The following SLC1A2 variants were observed in gnomAD, a reference collection of about 807,000 sequenced individuals.
The protein encoded by SLC1A2 is solute carrier family 1 member 2, also known as excitatory amino acid transporter 2.
In SLC1A2, 15 loss-of-function variants were observed where a neutral mutation model predicts 48.8. That is an observed-to-expected ratio of 0.31 (90% confidence interval 0.21 to 0.47). The LOEUF (loss-of-function observed/expected upper bound fraction) is 0.47. Among genes scored for constraint, SLC1A2 ranks in the 20% least tolerant of loss-of-function variants. The probability of loss-of-function intolerance (pLI) is 0.99; values close to 1 mark genes in which losing one functional copy is unlikely to be tolerated. For synonymous variants in SLC1A2, 279 were observed against 272.6 expected (o/e 1.02, Z -0.23); for missense variants, 502 against 730.5 (o/e 0.69, Z 3.61).
chr11:35,278,293 T>C (rs1425377752), intron 9 of SLC1A2, among the ~76,000 whole-genome samples: 2 of 111,868 alleles, frequency 1.8e-5, no homozygotes, highest in Non-Finnish European at 3.6e-5. Flanking sequence ...TTTTTTTTTT[T>C]AGATGGAGTT....
At chr11:35,327,392 CA>C (rs1852282840) in intron 1 of SLC1A2, among the ~76,000 whole-genome samples, 1 of 152,158 alleles carries the variant, frequency 6.6e-6, no homozygotes. Flanking sequence ...GCCCAAAGAA[CA>C]CCTTATACTT....
At chr11:35,303,295 C>T (rs1236252627) in intron 5 of SLC1A2, among the ~76,000 whole-genome samples, 2 of 152,312 alleles carry the variant, frequency 1.3e-5, no homozygotes, top group Non-Finnish European at 1.5e-5. Context: ...TCCTTTCTAT[C>T]TTCAGCAAAA....
intron 9 of SLC1A2, among the ~76,000 whole-genome samples, chr11:35,274,593 G>T (rs1295170820): frequency 1.3e-5 from 2 of 152,138 alleles, no homozygotes; most frequent in Non-Finnish European, 2.9e-5. Context: ...GTGCATGTGT[G>T]TGTCTCAAAT....
intron 1 of SLC1A2, among the ~76,000 whole-genome samples, chr11:35,408,537 G>A (rs1855368589): frequency 6.6e-6 from 1 of 152,070 alleles, no homozygotes; most frequent in Non-Finnish European, 1.5e-5. Flanking sequence ...TTCACCTCTC[G>A]CCATGAATCG....
intron 4 of SLC1A2, among the ~76,000 whole-genome samples, chr11:35,309,837 G>A (rs1310347889): frequency 6.6e-6 from 1 of 152,070 alleles, no homozygotes; most frequent in Non-Finnish European, 1.5e-5. Flanking sequence ...TCTCCCTGAG[G>A]TGGATTCTAC....
chr11:35,398,624 C>G (rs1310334000), intron 1 of SLC1A2, among the ~76,000 whole-genome samples: 1 of 152,122 alleles, frequency 6.6e-6, no homozygotes, highest in Non-Finnish European at 1.5e-5. Context: ...TGCAATTTAT[C>G]CATGTAACAA....
chr11:35,321,692 A>G (rs7110991), intron 1 of SLC1A2, among the ~76,000 whole-genome samples: 121,452 of 152,070 alleles, frequency 0.8, 49,063 homozygotes, highest in East Asian at 0.93. Context: ...TTGGATACAG[A>G]TGGAAAGCCT....
intron 1 of SLC1A2, among the ~76,000 whole-genome samples, chr11:35,358,168 G>A (rs538844092): frequency 1.3e-5 from 2 of 152,114 alleles, no homozygotes; most frequent in East Asian, 3.9e-4. Flanking sequence ...GGTGGGGGAA[G>A]CCTAGAAAAC....
chr11:35,380,823 G>A (rs1281993145), intron 1 of SLC1A2, among the ~76,000 whole-genome samples: 1 of 152,200 alleles, frequency 6.6e-6, no homozygotes, highest in Non-Finnish European at 1.5e-5. Flanking sequence ...AATCTGTAGG[G>A]AGAAGCTGAG....
At chr11:35,329,715 T>C (rs1239402989) in intron 1 of SLC1A2, among the ~76,000 whole-genome samples, 3 of 152,280 alleles carry the variant, frequency 2.0e-5, no homozygotes, top group Middle Eastern at 3.4e-3. Flanking sequence ...CCTGAACAGT[T>C]GCAGTGCAGG....
intron 1 of SLC1A2, among the ~76,000 whole-genome samples, chr11:35,359,757 CCA>C (rs1469727478): frequency 5.3e-5 from 8 of 152,300 alleles, no homozygotes; most frequent in Non-Finnish European, 1.0e-4. Context: ...GTTTCAGAAA[CCA>C]ATTGTTTTTC....
chr11:35,401,248 C>A (rs1855131541), intron 1 of SLC1A2, among the ~76,000 whole-genome samples: 1 of 151,928 alleles, frequency 6.6e-6, no homozygotes, highest in African/African-American at 2.4e-5. Context: ...TCTCCTGGAT[C>A]AGAAAAAAAG....
chr11:35,294,963 A>G (rs1032949843), intron 6 of SLC1A2, among the ~76,000 whole-genome samples: 1 of 152,250 alleles, frequency 6.6e-6, no homozygotes, highest in Non-Finnish European at 1.5e-5. Flanking sequence ...ATGAGCATTA[A>G]GTAGAAGAAG....
At chr11:35,349,819 G>A (rs578255941) in intron 1 of SLC1A2, among the ~76,000 whole-genome samples, 2 of 152,136 alleles carry the variant, frequency 1.3e-5, no homozygotes, top group African/African-American at 2.4e-5. Context: ...TTGGGCTCAG[G>A]GGGCTTACAG....
chr11:35,349,411 C>T (rs1853160115), intron 1 of SLC1A2, among the ~76,000 whole-genome samples: 1 of 152,178 alleles, frequency 6.6e-6, no homozygotes, highest in Non-Finnish European at 1.5e-5. Flanking sequence ...ACCAACAAAC[C>T]TTGTCCAGCC....
At chr11:35,268,345 T>G (rs1277719414) in intron 9 of SLC1A2, among the ~76,000 whole-genome samples, 1 of 152,158 alleles carries the variant, frequency 6.6e-6, no homozygotes, top group African/African-American at 2.4e-5. Context: ...ATAATGATGA[T>G]GACAGTTAAA....
chr11:35,363,039 C>T (rs1318635445), intron 1 of SLC1A2, among the ~76,000 whole-genome samples: 1 of 152,226 alleles, frequency 6.6e-6, no homozygotes, highest in Non-Finnish European at 1.5e-5. Context: ...GACTGAGCAA[C>T]TTGCTGAAGT....
At chr11:35,287,034 T>A in intron 7 of SLC1A2, 83 bp from the exon 8 acceptor site, 1 of 1,059,420 alleles carries the variant, frequency 9.4e-7, no homozygotes, top group Admixed American at 2.0e-5. Context: ...TGCCACTGCA[T>A]CCTTAGTTTT....
Position 35,259,792 on chromosome 11 carries a change from C to T in SLC1A2, c.*1102G>A, listed in dbSNP as rs1366545998. The T allele has an allele frequency of 6.6e-6, 1 of 152,144 alleles. No homozygotes were observed. The highest frequency in any genetic ancestry group is 1.5e-5 in the Non-Finnish European group (1 of 68,022). The allele number at this position is 152,144 out of a possible 1,614,324, so 9.4% of individuals were successfully genotyped here. A position where few individuals can be genotyped will look rare whatever the true frequency, so the allele number is the denominator to read the frequency against. ...TTTTATGTGCTTTGATAGAAGATAA[C>T]AAAACGCTTTCAACATATTGGATAA... On this transcript the variant is annotated 3_prime_UTR_variant, in exon 11 of 11. Transcript: ENST00000278379.
Sources: allele counts gnomAD v4.1 joint callset (sites outside exome capture counted in the v4.1 genomes callset), GRCh38; gene constraint gnomAD v4.1.1; transcripts MANE v1.5; gene names NCBI Gene and HGNC (gene_info 2026-07-23, HGNC 2026-07-21).